Variants in MYH10 observed in about 807,000 individuals in gnomAD.
MYH10 encodes the protein myosin-10.
A neutral mutation model predicts 257.8 loss-of-function variants in MYH10; 55 were observed. The observed-to-expected ratio is 0.21, with a 90% CI of 0.17 to 0.27. The LOEUF is 0.27. Ranked by LOEUF, MYH10 falls within the 10% of genes least tolerant of loss-of-function variation. The pLI, the probability that MYH10 is intolerant of heterozygous loss-of-function variation, is 1.00. For missense variants in MYH10, 1,631 were observed against 2,500.6 expected, an observed-to-expected ratio of 0.65 and a Z score of 7.42; for synonymous variants, 854 against 921.7, an observed-to-expected ratio of 0.93 and a Z score of 1.33.
intron 34 of MYH10, 151 bp downstream of exon 34, chr17:8,492,146 C>T (rs1183594425): frequency 1.6e-5 from 12 of 735,988 alleles, no homozygotes; most frequent in Non-Finnish European, 2.5e-5. Context: ...TACGCATGCA[C>T]AGGCCAAAAC....
intron 1 of MYH10, among the ~76,000 whole-genome samples, chr17:8,627,977 A>T (rs2085746057): frequency 6.6e-6 from 1 of 152,242 alleles, no homozygotes; most frequent in Non-Finnish European, 1.5e-5. Flanking sequence ...GCTCCAGAGT[A>T]CACACTACAA....
intron 4 of MYH10, among the ~76,000 whole-genome samples, chr17:8,584,461 G>T (rs994754405): frequency 1.1e-4 from 16 of 152,110 alleles, no homozygotes; most frequent in African/African-American, 3.4e-4. Context: ...AAGGAAAGAG[G>T]GTACAAAGAG....
At position 8,521,153 on chromosome 17, in the gene MYH10, G is replaced by A; in HGVS notation, c.2090C>T (p.Ala697Val). ...GTTAGGGTTGGTGTTTCGGAGAGTT[G>A]CCATCAGCTTGGTGAGAGATTCTTT... is the stretch of plus-strand genomic sequence containing the variant. ...LYKESLTKLM[A>V]TLRNTNPNFV... The change falls in exon 18 of 43, where the codon GCA becomes GTA. Residue 697 changes from alanine to valine, a missense_variant. Physicochemically the swap from Ala to Val is moderately conservative, Grantham distance 64. Coordinates refer to ENST00000360416, the MANE Select transcript of MYH10 (RefSeq NM_001256012.3). The A allele has an allele frequency of 6.2e-7, 1 of 1,614,244 alleles. No homozygotes were observed. The highest frequency in any genetic ancestry group is 8.5e-7 in the Non-Finnish European group (1 of 1,180,040).
rs1159307473 is a variant in MYH10, at chr17:8,556,149, A to G, written c.757-2131T>C. Among the ~76,000 whole-genome samples the G allele has an allele frequency of 2.0e-5, 3 of 152,260 alleles. No homozygotes were observed. The East Asian group carries it at 5.8e-4, about 29-fold the overall frequency. On this transcript the variant is annotated intron_variant, in intron 7 of 42. Coordinates refer to ENST00000360416, the MANE Select transcript of MYH10 (RefSeq NM_001256012.3). The stretch of plus-strand genomic sequence containing the variant: ...TAAGAAAGACTAGCAAAGATACAGA[A>G]TAACTAGAACTATCAGACAACCCTG...
At chr17:8,511,059 TACACACATAC>T (rs1334515110) in intron 24 of MYH10, 1 of 88,678 alleles carries the variant, frequency 1.1e-5, no homozygotes, top group Admixed American at 1.1e-4. Flanking sequence ...TATATATATA[TACACACATAC>T]ATACATACAC....
chr17:8,557,789 A>G (rs1284706469), intron 7 of MYH10, among the ~76,000 whole-genome samples: 1 of 152,218 alleles, frequency 6.6e-6, no homozygotes, highest in East Asian at 1.9e-4. Context: ...AACAAATGGC[A>G]AAAACAATAT....
At position 8,481,388 on chromosome 17, in the gene MYH10, G is replaced by A; in HGVS notation, c.5198C>T (p.Ala1733Val). Residue 1733 changes from alanine (A) to valine (V), a missense_variant, in exon 38 of 43, where the codon GCC (alanine) becomes GTC (valine). By Grantham distance (64) the Ala-to-Val change is moderately conservative (BLOSUM62 0). This residue lies in a region of MYH10 where 343 missense variants were observed against 389.5 expected (regional missense o/e 0.88). Transcript: ENST00000360416. ...LQEELASSER[A>V]RRHAEQERDE... ...TCTCTCCTGCTCGGCGTGTCGGCGG[G>A]CTCGCTCAGATGAGGCAAGTTCCTA... is the stretch of plus-strand genomic sequence containing the variant. The A allele has an allele frequency of 6.2e-6, 10 of 1,614,022 alleles. No homozygotes were observed. Among genetic ancestry groups the A allele is most frequent in the South Asian group, 1.1e-5 (1 of 91,086 alleles).
intron 3 of MYH10, among the ~76,000 whole-genome samples, chr17:8,589,916 T>C (rs1398974285): frequency 6.6e-6 from 1 of 152,224 alleles, no homozygotes; most frequent in Non-Finnish European, 1.5e-5. Flanking sequence ...TCAGGGAGGC[T>C]AGGTAATCCT....
At position 8,526,140 on chromosome 17, in the gene MYH10, C is replaced by T. The variant is rs572212549; in HGVS notation, c.1957+4483G>A. On this transcript the variant is annotated intron_variant, in intron 17 of 42. Coordinates refer to ENST00000360416, the MANE Select transcript of MYH10 (RefSeq NM_001256012.3). ...CAGGGTTAGATTCCACCAACAAAAT[C>T]ATCTTGTGGGTAAAAGAGAAACACT... 3.3e-5 allele frequency among the ~76,000 whole-genome samples: 5 copies of T among 152,276 alleles called. No homozygotes were observed. In the East Asian group the frequency reaches 7.7e-4, roughly 24 times the overall value.
intron 1 of MYH10, among the ~76,000 whole-genome samples, chr17:8,628,308 C>T (rs929008954): frequency 1.3e-5 from 2 of 152,126 alleles, no homozygotes; most frequent in Admixed American, 6.5e-5. Flanking sequence ...AAGTTGCCAT[C>T]CCTTTCAGTG....
chr17:8,603,233 T>C (rs926396637), intron 3 of MYH10, among the ~76,000 whole-genome samples: 1 of 152,226 alleles, frequency 6.6e-6, no homozygotes, highest in African/African-American at 2.4e-5. Context: ...TTTACAGGAA[T>C]GCATCCCACC....
intron 2 of MYH10, among the ~76,000 whole-genome samples, chr17:8,620,123 T>C (rs1325248332): frequency 2.6e-5 from 4 of 152,108 alleles, no homozygotes; most frequent in South Asian, 2.1e-4. Flanking sequence ...TTGAACCCTA[T>C]ATCCAACAGT....
chr17:8,607,232 AG>A lies in MYH10; in HGVS notation c.346-2251del, dbSNP rs1262553209. Among the ~76,000 whole-genome samples the A allele has an allele frequency of 2.0e-5, 3 of 152,224 alleles. No homozygotes were observed. The South Asian group carries it at 6.2e-4, about 32-fold the overall frequency. ...AGATTATACTCTTCAATTTTATAAA[AG>A]GCATGTAATTAGAGACTAGAAAGTA... is the stretch of plus-strand genomic sequence containing the variant. On this transcript the variant is annotated intron_variant, in intron 2 of 42. Coordinates refer to ENST00000360416, the MANE Select transcript of MYH10 (RefSeq NM_001256012.3).
At chr17:8,507,791 G>A (rs2081121898) in intron 26 of MYH10, among the ~76,000 whole-genome samples, 1 of 152,134 alleles carries the variant, frequency 6.6e-6, no homozygotes, top group African/African-American at 2.4e-5. Flanking sequence ...GACCAACATG[G>A]TGAAACCCCA....
chr17:8,560,550 C>A, intron 7 of MYH10: 2 of 725,862 alleles, frequency 2.8e-6, no homozygotes. Context: ...AGCTGTTTGC[C>A]GACAAAGTTC....
At position 8,521,236 on chromosome 17, in the gene MYH10, A is replaced by G; in HGVS notation, c.2007T>C (p.Ala669=). 1 of 1,614,250 alleles carries G rather than the reference A, an allele frequency of 6.2e-7. No homozygotes were observed. The highest frequency in any genetic ancestry group is 1.1e-5 in the South Asian group (1 of 91,090). The part of the protein sequence containing the change: ...LDQVTGMTET[A]FGSAYKTKKG... ...TCTTGGTTTTATATGCGGAGCCAAAAGCTGTCTCAGTCATACCAGTGACTT... is the reference window on the plus strand; with the variant it reads ...TCTTGGTTTTATATGCGGAGCCAAAGGCTGTCTCAGTCATACCAGTGACTT... The change falls in exon 18 of 43, where the codon GCT becomes GCC. Residue 669 remains alanine, a synonymous_variant. Coordinates refer to ENST00000360416, the MANE Select transcript of MYH10 (RefSeq NM_001256012.3).
chr17:8,489,182 A>C (rs1915350521), intron 35 of MYH10, among the ~76,000 whole-genome samples: 1 of 152,048 alleles, frequency 6.6e-6, no homozygotes, highest in African/African-American at 2.4e-5. Context: ...TCAGTTTGGC[A>C]CGCTCCTCCA....
chr17:8,618,320 C>T (rs569873874), intron 2 of MYH10, among the ~76,000 whole-genome samples: 1 of 151,112 alleles, frequency 6.6e-6, no homozygotes, highest in African/African-American at 2.4e-5. Flanking sequence ...ACGATCTCAG[C>T]TCACTGCAAC....
At chr17:8,612,568 T>A (rs1241466788) in intron 2 of MYH10, among the ~76,000 whole-genome samples, 1 of 152,126 alleles carries the variant, frequency 6.6e-6, no homozygotes, top group Non-Finnish European at 1.5e-5. Flanking sequence ...ATCATAGGTA[T>A]GGCCAGGTGC....
Sources: allele counts gnomAD v4.1 joint callset (sites outside exome capture counted in the v4.1 genomes callset), GRCh38; gene constraint gnomAD v4.1.1; regional missense constraint gnomAD v4.1.1; transcripts MANE v1.5; gene names NCBI Gene and HGNC (gene_info 2026-07-23, HGNC 2026-07-21).